Variants in CTNND2 observed in about 807,000 individuals in gnomAD.
The protein encoded by CTNND2 is catenin delta-2.
A neutral mutation model predicts 144.4 loss-of-function variants in CTNND2; 22 were observed. The observed-to-expected ratio is 0.15, with a 90% CI of 0.11 to 0.22. CTNND2 has a LOEUF of 0.22. Among genes scored for constraint, CTNND2 ranks in the 10% least tolerant of loss-of-function variants. The pLI is 1.00. For synonymous variants in CTNND2, 751 were observed against 695.6 expected, an observed-to-expected ratio of 1.08 and a Z score of -1.25; for missense variants, 1,353 against 1,618.8, an observed-to-expected ratio of 0.84 and a Z score of 2.82.
rs376203069 is a variant in CTNND2 at position 11,654,192 on chromosome 5, G to C, written c.174+77944C>G. On this transcript the variant is annotated intron_variant, in intron 2 of 21. Transcript: ENST00000304623. ...CAGGTAGTATGATGCCTCCAGCTTT[G>C]TTCTTTTGCTCAAGATTGCTTTGCT... Among the ~76,000 whole-genome samples the C allele has an allele frequency of 2.0e-5, 3 of 151,876 alleles. No homozygotes were observed. The South Asian group carries it at 6.2e-4, about 32-fold the overall frequency.
chr5:11,362,088 A>G (rs1561278405), intron 8 of CTNND2, among the ~76,000 whole-genome samples: 1 of 152,156 alleles, frequency 6.6e-6, no homozygotes, highest in Non-Finnish European at 1.5e-5. Context: ...TCTTCTTTCA[A>G]GGAGTTAGGG....
intron 9 of CTNND2, among the ~76,000 whole-genome samples, chr5:11,326,151 C>T (rs1245291049): frequency 2.0e-5 from 3 of 152,188 alleles, no homozygotes; most frequent in African/African-American, 4.8e-5. Flanking sequence ...CCTTGAAGTG[C>T]TTGCTTTTTG....
intron 14 of CTNND2, among the ~76,000 whole-genome samples, chr5:11,101,832 T>C (rs551577961): frequency 6.6e-6 from 1 of 151,648 alleles, no homozygotes; most frequent in African/African-American, 2.4e-5. Context: ...AGGACAGCAG[T>C]GGTGGCAATG....
At chr5:11,684,778 A>T (rs1030831799) in intron 2 of CTNND2, among the ~76,000 whole-genome samples, 1 of 152,178 alleles carries the variant, frequency 6.6e-6, no homozygotes, top group East Asian at 1.9e-4. Flanking sequence ...CACTTTGCTA[A>T]GTCATCTCAG....
At chr5:11,820,980 A>G (rs938944279) in intron 1 of CTNND2, among the ~76,000 whole-genome samples, 1 of 152,240 alleles carries the variant, frequency 6.6e-6, no homozygotes, top group African/African-American at 2.4e-5. Context: ...TGGTCAAACT[A>G]CTAATGTCCA....
chr5:11,485,199 A>T (rs1001422209), intron 3 of CTNND2, among the ~76,000 whole-genome samples: 1 of 152,212 alleles, frequency 6.6e-6, no homozygotes, highest in Non-Finnish European at 1.5e-5. Context: ...TGAAAGAAAC[A>T]TAAAAACAAA....
At chr5:11,487,406 T>C (rs1768930970) in intron 3 of CTNND2, among the ~76,000 whole-genome samples, 1 of 152,210 alleles carries the variant, frequency 6.6e-6, no homozygotes, top group African/African-American at 2.4e-5. Flanking sequence ...AATCTGACCA[T>C]ATGGTCATTT....
intron 10 of CTNND2, among the ~76,000 whole-genome samples, chr5:11,211,421 G>A (rs979515895): frequency 6.6e-6 from 1 of 152,316 alleles, no homozygotes; most frequent in South Asian, 2.1e-4. Context: ...CCTTGTCCAG[G>A]TAAGAGAACC....
At chr5:11,339,393 T>G (rs1187825669) in intron 9 of CTNND2, among the ~76,000 whole-genome samples, 1 of 152,068 alleles carries the variant, frequency 6.6e-6, no homozygotes, top group Non-Finnish European at 1.5e-5. Context: ...ACAAAAGCAG[T>G]ACCGCGGGAG....
At chr5:11,879,341 G>GTGTGTATATATA in intron 1 of CTNND2, among the ~76,000 whole-genome samples, 16 of 109,368 alleles carry the variant, frequency 1.5e-4, no homozygotes, top group South Asian at 6.5e-4. Context: ...TTAAATGTGT[G>GTGTGTATATATA]TATATATATA....
At chr5:11,864,675 T>C (rs1179299026) in intron 1 of CTNND2, among the ~76,000 whole-genome samples, 3 of 152,098 alleles carry the variant, frequency 2.0e-5, no homozygotes, top group East Asian at 3.9e-4. Context: ...CTCCTTTGTA[T>C]TGTAAGATGT....
Position 11,364,757 on chromosome 5 carries a change from G to A in CTNND2, c.1311C>T (p.Leu437=), listed in dbSNP as rs1312455213. ...RVYQKPPMRS[L]SQSQGDPLPP... is the part of the protein sequence containing the mutation. ...GCAGAGGGTCCCCCTGGCTCTGGCT[G>A]AGACTCCTCATAGGGGGCTTCTGAT... Residue 437 remains leucine (L), a synonymous_variant, in exon 8 of 22, where the codon CTC becomes CTT. Transcript: ENST00000304623. 1.2e-6 allele frequency: 2 copies of A among 1,613,872 alleles called. No homozygotes were observed. Among genetic ancestry groups the A allele is most frequent in the African/African-American group, 1.3e-5 (1 of 74,922 alleles).
rs568528646 is a variant in CTNND2 at position 11,587,917 on chromosome 5, AT to A, written c.175-22862del. ...TTTCTTTAATCTGTTGGGTATCACA[AT>A]TTTTTTTTTTTAACTACAGTGGTGG... On this transcript the variant is annotated intron_variant, in intron 2 of 21. Transcript: ENST00000304623. Among the ~76,000 whole-genome samples the A allele has an allele frequency of 6.8e-3, 1,006 of 147,020 alleles. 6 individuals carry two copies. The highest frequency in any genetic ancestry group is 0.02 in the African/African-American group (796 of 40,492).
At chr5:11,129,194 ATATATAT>A (rs1344340543) in intron 12 of CTNND2, among the ~76,000 whole-genome samples, 1 of 44,850 alleles carries the variant, frequency 2.2e-5, no homozygotes, top group African/African-American at 8.0e-5. Context: ...ATAATATATA[ATATATAT>A]TATATATTTA....
At chr5:11,327,427 T>C (rs1191279008) in intron 9 of CTNND2, among the ~76,000 whole-genome samples, 1 of 152,204 alleles carries the variant, frequency 6.6e-6, no homozygotes, top group African/African-American at 2.4e-5. Context: ...GAATAGTTCC[T>C]GTGAGAAAAA....
chr5:11,692,227 G>C (rs1281034464), intron 2 of CTNND2, among the ~76,000 whole-genome samples: 2 of 152,000 alleles, frequency 1.3e-5, no homozygotes, highest in Non-Finnish European at 2.9e-5. Flanking sequence ...ATAACTATTA[G>C]GGGTTTTTAT....
chr5:11,761,389 T>C (rs1361095469), intron 1 of CTNND2, among the ~76,000 whole-genome samples: 1 of 152,180 alleles, frequency 6.6e-6, no homozygotes, highest in Non-Finnish European at 1.5e-5. Context: ...TTTGCTATCT[T>C]AAAAAGTGAA....
chr5:11,724,683 G>C (rs767914834), intron 2 of CTNND2, among the ~76,000 whole-genome samples: 32 of 152,160 alleles, frequency 2.1e-4, no homozygotes, highest in Non-Finnish European at 5.9e-5. Context: ...TTTCAGAATA[G>C]AAGATACGGC....
intron 2 of CTNND2, among the ~76,000 whole-genome samples, chr5:11,686,076 T>TG (rs1784632978): frequency 6.6e-6 from 1 of 151,984 alleles, no homozygotes; most frequent in Non-Finnish European, 1.5e-5. Flanking sequence ...TATGGTGACA[T>TG]GTGCCTGTAG....
Sources: gnomAD v4.1 joint callset for allele counts (sites outside exome capture counted in the v4.1 genomes callset) on GRCh38, gnomAD v4.1.1 for gene constraint, MANE v1.5 for transcripts, NCBI Gene and HGNC (gene_info 2026-07-23, HGNC 2026-07-21) for gene names.